Variants in EBAG9 observed in about 807,000 individuals in gnomAD.
The protein encoded by EBAG9 is estrogen receptor binding site associated antigen 9.
EBAG9 carries 16 observed loss-of-function variants against 30.9 expected under a neutral mutation model. The observed-to-expected ratio is 0.52, with a 90% CI of 0.35 to 0.79. The LOEUF (loss-of-function observed/expected upper bound fraction) is 0.79, where lower values mean the gene tolerates loss of function less well. EBAG9 is among the 30% of genes least tolerant of loss of function. The pLI, the probability that EBAG9 is intolerant of heterozygous loss-of-function variation, is 0.01. For missense variants in EBAG9, 197 were observed against 242.1 expected, an observed-to-expected ratio of 0.81 and a Z score of 1.24; for synonymous variants, 93 against 82.8, an observed-to-expected ratio of 1.12 and a Z score of -0.67.
intron 2 of EBAG9, among the ~76,000 whole-genome samples, chr8:109,551,966 T>C (rs1369941373): frequency 6.6e-6 from 1 of 152,224 alleles, no homozygotes; most frequent in Non-Finnish European, 1.5e-5. Flanking sequence ...GTAACTACCT[T>C]ATTCAGTGGA....
chr8:109,557,581 G>C (rs529308742), intron 5 of EBAG9: 98 of 422,686 alleles, frequency 2.3e-4, no homozygotes, highest in African/African-American at 1.8e-3. Flanking sequence ...TGCTTTGATT[G>C]ATTGATTATA....
upstream of EBAG9, chr8:109,540,087 C>G (rs554416445): frequency 6.5e-6 from 1 of 152,774 alleles, no homozygotes; most frequent in South Asian, 2.1e-4. Flanking sequence ...ACCAGACCTC[C>G]CTCGACGCCC....
chr8:109,563,345 C>T (rs1821745695), intron 6 of EBAG9: 3 of 1,580,448 alleles, frequency 1.9e-6, no homozygotes, highest in South Asian at 2.3e-5. Flanking sequence ...CCTGTAGCTT[C>T]CTTCCTCAAC....
chr8:109,540,876 C>T (rs1351758459), intron 1 of EBAG9, among the ~76,000 whole-genome samples: 1 of 152,112 alleles, frequency 6.6e-6, no homozygotes, highest in East Asian at 1.9e-4. Context: ...TTTAGAAATA[C>T]AGCACCTGTT....
chr8:109,564,514 G>A lies in EBAG9; in HGVS notation c.597G>A (p.Arg199=), dbSNP rs1262946115. 3.1e-6 allele frequency: 5 copies of A among 1,612,608 alleles called. No homozygotes were observed. Among genetic ancestry groups the A allele is most frequent in the Non-Finnish European group, 4.2e-6 (5 of 1,178,970 alleles). The part of the protein sequence containing the change: ...QRKKMEKEAQ[R]LMKKEQNKIG... ...AGAAAATGGAAAAGGAAGCACAACG[G>A]CTAATGAAGAAGGAACAAAACAAAA... Residue 199 remains arginine (R), a synonymous_variant, in exon 7 of 7, where the codon CGG becomes CGA. Coordinates refer to ENST00000337573, the MANE Select transcript of EBAG9 (RefSeq NM_004215.5).
At chr8:109,554,184 T>C (rs1245588856) in intron 3 of EBAG9, among the ~76,000 whole-genome samples, 1 of 152,224 alleles carries the variant, frequency 6.6e-6, no homozygotes, top group African/African-American at 2.4e-5. Flanking sequence ...TGTTGGAGCA[T>C]TTTTATAATA....
At chr8:109,540,888 A>C (rs1430489428) in intron 1 of EBAG9, among the ~76,000 whole-genome samples, 2 of 152,250 alleles carry the variant, frequency 1.3e-5, no homozygotes, top group African/African-American at 4.8e-5. Flanking sequence ...GCACCTGTTT[A>C]GTATGTACCG....
chr8:109,561,891 T>C lies in EBAG9; in HGVS notation c.521+962T>C, dbSNP rs1223692665. Reference sequence around the variant, plus strand: ...TTTTCCTTTGAAATATATCAAGCCCTTTTTTTTTTTTTTTTTTTGCAGGTT... The same window carrying C: ...TTTTCCTTTGAAATATATCAAGCCCCTTTTTTTTTTTTTTTTTTGCAGGTT... On this transcript the variant is annotated intron_variant, in intron 6 of 6. Transcript: ENST00000337573. 3.0e-4 allele frequency among the ~76,000 whole-genome samples: 32 copies of C among 106,966 alleles called. 1 individual carries two copies. In the South Asian group the frequency reaches 7.9e-3, roughly 26 times the overall value. 70.2% of individuals were successfully genotyped at this position (106,966 alleles called of 152,430 possible).
At chr8:109,557,737 C>T (rs902266433) in intron 5 of EBAG9, 2 of 455,316 alleles carry the variant, frequency 4.4e-6, no homozygotes, top group South Asian at 1.6e-5. Flanking sequence ...GCAGACAAGT[C>T]ATTGGGTTGG....
intron 2 of EBAG9, among the ~76,000 whole-genome samples, chr8:109,551,309 A>T (rs1821489456): frequency 6.6e-6 from 1 of 152,108 alleles, no homozygotes; most frequent in Admixed American, 6.5e-5. Flanking sequence ...TTTAAAAAAA[A>T]ATCCTAAGAA....
chr8:109,563,486 T>C (rs767007861), intron 6 of EBAG9: 3 of 1,597,272 alleles, frequency 1.9e-6, no homozygotes, highest in South Asian at 1.1e-5. Context: ...TCAGTAAAGA[T>C]AGAGAGAGTG....
intron 5 of EBAG9, among the ~76,000 whole-genome samples, chr8:109,558,421 C>T (rs911330220): frequency 6.6e-6 from 1 of 152,018 alleles, no homozygotes; most frequent in Admixed American, 6.5e-5. Context: ...AGCTGAATAA[C>T]ATAGCATTAT....
chr8:109,544,828 C>G (rs1821350965), intron 1 of EBAG9, among the ~76,000 whole-genome samples: 1 of 152,138 alleles, frequency 6.6e-6, no homozygotes, highest in African/African-American at 2.4e-5. Flanking sequence ...TTTTGAGGCT[C>G]TTAGTCGGGA....
intron 1 of EBAG9, chr8:109,540,835 A>G (rs546011856): frequency 6.6e-6 from 1 of 152,266 alleles, no homozygotes; most frequent in African/African-American, 2.4e-5. Context: ...TGGTTTTCAA[A>G]TTTTGGTATG....
intron 1 of EBAG9, among the ~76,000 whole-genome samples, chr8:109,547,702 G>A (rs187974269): frequency 0.014 from 2,197 of 152,094 alleles, 58 homozygotes; most frequent in African/African-American, 0.051. Context: ...GGATGGTCTT[G>A]ATCTCCTGAC....
At chr8:109,559,588 G>T (rs1821671380) in intron 5 of EBAG9, among the ~76,000 whole-genome samples, 1 of 152,110 alleles carries the variant, frequency 6.6e-6, no homozygotes, top group South Asian at 2.1e-4. Context: ...GAGGCAGGAG[G>T]ATCACTTGAG....
rs1410565509 is a variant in EBAG9, at chr8:109,554,722, A to C, written c.163-7A>C. ...TGTGGCTGATAATGTTGATCAATTA[A>C]ATTTAGACAGATGTTGAAGAGTGGA... On this transcript the variant is annotated splice_region_variant and splice_polypyrimidine_tract_variant and intron_variant, in intron 3 of 6. Coordinates refer to ENST00000337573, the MANE Select transcript of EBAG9 (RefSeq NM_004215.5). 12 of 1,611,480 alleles carry C rather than the reference A, an allele frequency of 7.4e-6. No individual in the cohort carries two copies. The highest frequency in any genetic ancestry group is 9.3e-6 in the Non-Finnish European group (11 of 1,178,774).
intron 2 of EBAG9, among the ~76,000 whole-genome samples, chr8:109,552,607 A>C (rs1217294368): frequency 6.6e-6 from 1 of 152,236 alleles, no homozygotes; most frequent in Non-Finnish European, 1.5e-5. Context: ...TTTTCATTAA[A>C]TATAGATTAC....
rs1424621772 is a variant in EBAG9, at chr8:109,553,843, AATT to A, written c.84-18_84-16del. 1 of 1,590,862 alleles carries A rather than the reference AATT, an allele frequency of 6.3e-7. No homozygotes were observed. The highest frequency in any genetic ancestry group is 8.6e-7 in the Non-Finnish European group (1 of 1,169,134). ...GCTTGTTTTGGTGGTTCTTGAAATA[AATT>A]ATTTCATTTTTGTTTCAGATCTGGC... On this transcript the variant is annotated intron_variant, in intron 2 of 6. Coordinates refer to ENST00000337573, the MANE Select transcript of EBAG9 (RefSeq NM_004215.5).
Sources: gnomAD v4.1 joint callset for allele counts (sites outside exome capture counted in the v4.1 genomes callset) on GRCh38, gnomAD v4.1.1 for gene constraint, MANE v1.5 for transcripts, NCBI Gene and HGNC (gene_info 2026-07-23, HGNC 2026-07-21) for gene names.